PKHD1: variants seen among roughly 807,000 people sequenced by gnomAD.
The protein encoded by PKHD1 is fibrocystin.
PKHD1 carries 291 observed loss-of-function variants against 412.0 expected under a neutral mutation model. The ratio of observed to expected loss-of-function variants is 0.71; its 90% CI spans 0.64 to 0.78. The LOEUF (loss-of-function observed/expected upper bound fraction) is 0.78. Ranked by LOEUF, PKHD1 falls within the 30% of genes least tolerant of loss-of-function variation. PKHD1 has a pLI of 0.00. For missense variants in PKHD1, 4,825 were observed against 4,950.7 expected, an observed-to-expected ratio of 0.97 and a Z score of 0.76; for synonymous variants, 1,777 against 1,821.5, an observed-to-expected ratio of 0.98 and a Z score of 0.62.
chr6:51,898,115 A>C (rs1162101651), intron 43 of PKHD1, among the ~76,000 whole-genome samples: 6 of 151,860 alleles, frequency 4.0e-5, no homozygotes, highest in African/African-American at 7.3e-5. Flanking sequence ...CGAGACAGAA[A>C]GTCAACAAGG....
At chr6:51,633,674 T>C (rs1473043222) in intron 64 of PKHD1, among the ~76,000 whole-genome samples, 1 of 152,192 alleles carries the variant, frequency 6.6e-6, no homozygotes, top group East Asian at 1.9e-4. Flanking sequence ...TCCATTTATA[T>C]AACACTGTAG....
chr6:51,916,019 A>G (rs1001868014), intron 37 of PKHD1, among the ~76,000 whole-genome samples: 3 of 152,132 alleles, frequency 2.0e-5, no homozygotes, highest in African/African-American at 7.2e-5. Context: ...TACATAAACA[A>G]TAGTCAGTCC....
At chr6:51,913,949 T>C (rs116415293) in intron 37 of PKHD1, among the ~76,000 whole-genome samples, 2,535 of 152,218 alleles carry the variant, frequency 0.017, 25 homozygotes, top group Non-Finnish European at 0.026. Flanking sequence ...TTGTATATCT[T>C]AACCCTTGGA....
chr6:51,749,489 TA>T (rs1785735480), intron 57 of PKHD1, among the ~76,000 whole-genome samples: 1 of 152,176 alleles, frequency 6.6e-6, no homozygotes, highest in Non-Finnish European at 1.5e-5. Context: ...GTAAAATTAA[TA>T]ATAACATGAT....
At position 51,911,962 on chromosome 6, in the gene PKHD1, GA is replaced by G. The variant is rs138161138; in HGVS notation, c.6333-7del. On this transcript the variant is annotated splice_polypyrimidine_tract_variant and splice_region_variant and intron_variant, in intron 38 of 66. Transcript: ENST00000371117. ...CTGTAAAGTTGTGAGAATATCTGGA[GA>G]AAAAAAGAGGATGATAGAACTGAGG... The G allele has an allele frequency of 6.2e-7, 1 of 1,606,514 alleles. No homozygotes were observed. The highest frequency in any genetic ancestry group is 1.1e-5 in the South Asian group (1 of 90,882).
At chr6:51,721,386 A>G (rs1231432439) in intron 60 of PKHD1, 4 of 455,180 alleles carry the variant, frequency 8.8e-6, no homozygotes, top group Non-Finnish European at 1.1e-5. Context: ...TTATTAATAT[A>G]CCAATAATAA....
At chr6:51,753,115 T>A (rs949733961) in intron 57 of PKHD1, 86 bp downstream of exon 57, 15 of 1,211,006 alleles carry the variant, frequency 1.2e-5, no homozygotes, top group Non-Finnish European at 1.8e-5. Flanking sequence ...GTTTTATAAA[T>A]GAAAATTCTC....
chr6:52,082,361 G>C, intron 4 of PKHD1, 31 bp downstream of exon 4: 2 of 1,611,202 alleles, frequency 1.2e-6, no homozygotes, highest in South Asian at 1.1e-5. Context: ...CCCTCATCCT[G>C]TCTGGTCTTC....
chr6:51,896,184 C>A (rs1308326253), intron 43 of PKHD1, among the ~76,000 whole-genome samples: 1 of 152,106 alleles, frequency 6.6e-6, no homozygotes, highest in Non-Finnish European at 1.5e-5. Flanking sequence ...AGGAGGCCTG[C>A]CTGCCTCTGT....
chr6:51,806,704 T>C (rs1392161102), intron 52 of PKHD1, among the ~76,000 whole-genome samples: 1 of 141,420 alleles, frequency 7.1e-6, no homozygotes, highest in Non-Finnish European at 1.6e-5. Context: ...GGTTTTTTTT[T>C]AATTCAAGGG....
intron 64 of PKHD1, among the ~76,000 whole-genome samples, chr6:51,637,199 C>T (rs1265544551): frequency 6.6e-6 from 1 of 152,132 alleles, no homozygotes; most frequent in East Asian, 1.9e-4. Flanking sequence ...GGACAAAGGC[C>T]TTTTAAATGT....
chr6:51,836,336 G>T, intron 51 of PKHD1, 68 bp downstream of exon 51: 1 of 1,016,662 alleles, frequency 9.8e-7, no homozygotes, highest in Non-Finnish European at 1.6e-6. Flanking sequence ...TGACAAGGTG[G>T]AATTTGTAGA....
chr6:51,959,136 C>T (rs1393122564), intron 36 of PKHD1, among the ~76,000 whole-genome samples: 3 of 152,012 alleles, frequency 2.0e-5, no homozygotes, highest in South Asian at 2.1e-4. Flanking sequence ...TAGTAAAGAA[C>T]AGTGTTTTAG....
chr6:51,670,463 C>T (rs1165995060), intron 60 of PKHD1, among the ~76,000 whole-genome samples: 27 of 151,532 alleles, frequency 1.8e-4, no homozygotes, highest in Admixed American at 1.7e-3. Context: ...GATGGGTTTC[C>T]TGAATACAGC....
In PKHD1 at chr6:52,065,174, G is replaced by T. The variant is rs1488352902; in HGVS notation, c.881-124C>A. The stretch of plus-strand genomic sequence containing the variant: ...ATATATATATATATATATATAGAGA[G>T]AGAGAGAGAGAGAGAGAGAGAGACA... On this transcript the variant is annotated intron_variant, in intron 12 of 66. Coordinates refer to ENST00000371117, the MANE Select transcript of PKHD1 (RefSeq NM_138694.4). 1.8e-3 allele frequency: 244 copies of T among 137,330 alleles called. 5 individuals carry two copies. Among genetic ancestry groups the T allele is most frequent in the Non-Finnish European group, 2.8e-3 (197 of 69,692 alleles). 8.5% of individuals were successfully genotyped at this position (137,330 alleles called of 1,614,324 possible).
chr6:51,660,260 GAAAT>G (rs1581898553), intron 60 of PKHD1, among the ~76,000 whole-genome samples: 1 of 152,016 alleles, frequency 6.6e-6, no homozygotes, highest in East Asian at 1.9e-4. Context: ...TCAAGACAAT[GAAAT>G]AATCATTAAG....
chr6:51,807,479 A>ATATGTG (rs1451342734), intron 52 of PKHD1, among the ~76,000 whole-genome samples: 68 of 103,456 alleles, frequency 6.6e-4, no homozygotes, highest in African/African-American at 3.2e-3. Flanking sequence ...ATATATATAT[A>ATATGTG]TGTATATGTG....
intron 52 of PKHD1, among the ~76,000 whole-genome samples, chr6:51,824,903 T>C (rs921142907): frequency 1.3e-5 from 2 of 152,146 alleles, no homozygotes; most frequent in African/African-American, 4.8e-5. Flanking sequence ...CAATTATGTT[T>C]GGAGAGTTGA....
intron 34 of PKHD1, among the ~76,000 whole-genome samples, 175 bp from the exon 35 acceptor site, chr6:52,010,634 C>G (rs1475971683): frequency 1.3e-5 from 2 of 152,042 alleles, no homozygotes; most frequent in Non-Finnish European, 2.9e-5. Flanking sequence ...ATTTGTTTTT[C>G]CTTTTATCTG....
Sources: allele counts gnomAD v4.1 joint callset (sites outside exome capture counted in the v4.1 genomes callset), GRCh38; gene constraint gnomAD v4.1.1; transcripts MANE v1.5; gene names NCBI Gene and HGNC (gene_info 2026-07-23, HGNC 2026-07-21).